Variants in SOBP observed in about 807,000 individuals in gnomAD.
The protein encoded by SOBP is sine oculis-binding protein homolog.
In SOBP, 4 loss-of-function variants were observed where a neutral mutation model predicts 53.6. The observed-to-expected ratio is 0.07, with a 90% CI of 0.04 to 0.17. The LOEUF (loss-of-function observed/expected upper bound fraction) is 0.17. SOBP is among the 10% of genes least tolerant of loss of function. SOBP has a pLI of 1.00. For synonymous variants in SOBP, 584 were observed against 522.6 expected (o/e 1.12, Z -1.60); for missense variants, 1,088 against 1,204.7 (o/e 0.90, Z 1.43).
intron 4 of SOBP, among the ~76,000 whole-genome samples, chr6:107,553,079 C>G (rs1169511874): frequency 6.6e-6 from 1 of 151,876 alleles, no homozygotes; most frequent in African/African-American, 2.4e-5. Flanking sequence ...ACCACCTGTT[C>G]CCCAAAAACC....
intron 3 of SOBP, chr6:107,514,265 A>G (rs1255506396): frequency 3.3e-5 from 5 of 152,226 alleles, no homozygotes; most frequent in Non-Finnish European, 7.3e-5. Flanking sequence ...TTTTAGTTGC[A>G]TATGGAAGGT....
Position 107,643,416 on chromosome 6 carries a change from A to T in SOBP, c.*3+7947A>T, listed in dbSNP as rs553026296. Among the ~76,000 whole-genome samples, 4 of 151,966 alleles carry T rather than the reference A, an allele frequency of 2.6e-5. No individual in the cohort carries two copies. In the South Asian group the frequency reaches 6.3e-4, roughly 24 times the overall value. On this transcript the variant is annotated intron_variant, in intron 6 of 6. Coordinates refer to ENST00000317357, the MANE Select transcript of SOBP (RefSeq NM_018013.4). ...AATATTTATAAGCTTTTATTTATTT[A>T]TTTATTTTTATTTTTTTCTGAGATG... is the stretch of plus-strand genomic sequence containing the variant.
chr6:107,633,717 G>C lies in SOBP; in HGVS notation c.873G>C (p.Gly291=), dbSNP rs772583981. 1.2e-6 allele frequency: 2 copies of C among 1,614,208 alleles called. No homozygotes were observed. Among genetic ancestry groups the C allele is most frequent in the Non-Finnish European group, 1.7e-6 (2 of 1,180,030 alleles). The change falls in exon 6 of 7, where the codon GGG becomes GGC. Residue 291 remains glycine (G), a synonymous_variant. Transcript: ENST00000317357. ...PPMENKAEGT[G]VQLLTPDSWN... is the part of the protein sequence containing the mutation. ...TGGAAAATAAAGCAGAAGGCACCGG[G>C]GTGCAGCTGCTCACTCCAGACTCTT...
intron 5 of SOBP, among the ~76,000 whole-genome samples, chr6:107,604,911 C>T (rs921601432): frequency 6.6e-6 from 1 of 152,196 alleles, no homozygotes; most frequent in Admixed American, 6.5e-5. Context: ...TATGTCACAG[C>T]ACTGTGAAAA....
chr6:107,611,173 C>T (rs1256438430), intron 5 of SOBP, among the ~76,000 whole-genome samples: 2 of 152,230 alleles, frequency 1.3e-5, no homozygotes, highest in South Asian at 2.1e-4. Context: ...GCTTCAGAGG[C>T]GGAGGCCTGT....
Position 107,634,784 on chromosome 6 carries a change from A to C in SOBP, c.1940A>C (p.Gln647Pro). The change falls in exon 6 of 7, where the codon CAG (glutamine) becomes CCG (proline). Residue 647 changes from glutamine (Q) to proline (P), a missense_variant. Gln to Pro is a moderately conservative substitution (Grantham distance 76). Around this residue, in one of 6 missense-constraint regions of SOBP, gnomAD observed 665 missense variants for 629.7 expected, o/e 1.06. Coordinates refer to ENST00000317357, the MANE Select transcript of SOBP (RefSeq NM_018013.4). The surrounding 1 kb of genome is among the most constrained non-coding windows in gnomAD (Gnocchi z 4.5). ...GGQLGFPGVL[Q>P]GPQDGVIDLT... ...CAGCTCGGCTTCCCAGGCGTGCTGC[A>C]GGGCCCGCAGGACGGCGTCATCGAC... 1 of 1,392,404 alleles carries C rather than the reference A, an allele frequency of 7.2e-7. No homozygotes were observed. The highest frequency in any genetic ancestry group is 9.3e-7 in the Non-Finnish European group (1 of 1,071,134). 86.3% of individuals were successfully genotyped at this position (1,392,404 alleles called of 1,614,324 possible).
At chr6:107,497,462 A>G (rs1235768450) in intron 1 of SOBP, among the ~76,000 whole-genome samples, 1 of 152,184 alleles carries the variant, frequency 6.6e-6, no homozygotes, top group African/African-American at 2.4e-5. Flanking sequence ...TTTTTATGAA[A>G]ATAATACATG....
At chr6:107,650,565 G>T (rs1283860606) in intron 6 of SOBP, among the ~76,000 whole-genome samples, 1 of 152,184 alleles carries the variant, frequency 6.6e-6, no homozygotes, top group African/African-American at 2.4e-5. Context: ...TTTGTGATCA[G>T]TGATCTTGGA....
At chr6:107,649,690 A>T (rs1263677440) in intron 6 of SOBP, among the ~76,000 whole-genome samples, 1 of 151,812 alleles carries the variant, frequency 6.6e-6, no homozygotes, top group Non-Finnish European at 1.5e-5. Context: ...AAGAAGAAGA[A>T]AGAAAAAAGA....
At chr6:107,655,413 C>G (rs1771991027) in intron 6 of SOBP, among the ~76,000 whole-genome samples, 1 of 152,154 alleles carries the variant, frequency 6.6e-6, no homozygotes, top group African/African-American at 2.4e-5. Flanking sequence ...GCCCCCTCCT[C>G]AAATGTTATC....
Position 107,593,684 on chromosome 6 carries a change from G to T in SOBP, c.669+6509G>T, listed in dbSNP as rs368777153. Among the ~76,000 whole-genome samples, 9 of 152,320 alleles carry T rather than the reference G, an allele frequency of 5.9e-5. No homozygotes were observed. In the South Asian group the frequency reaches 1.9e-3, roughly 32 times the overall value. On this transcript the variant is annotated intron_variant, in intron 5 of 6. Transcript: ENST00000317357. ...CAGCAGTCAATGAGATCATGTATAT[G>T]AAGCATTTAGTATACCTAGCACCTA... is the stretch of plus-strand genomic sequence containing the variant.
At chr6:107,594,129 G>C (rs1302719658) in intron 5 of SOBP, among the ~76,000 whole-genome samples, 1 of 152,190 alleles carries the variant, frequency 6.6e-6, no homozygotes, top group Non-Finnish European at 1.5e-5. Context: ...CCCACTGGCT[G>C]TATAGCCTTG....
intron 4 of SOBP, among the ~76,000 whole-genome samples, chr6:107,553,144 G>A (rs1364399508): frequency 2.0e-5 from 3 of 151,796 alleles, no homozygotes; most frequent in Non-Finnish European, 4.4e-5. Context: ...TCTGAGCTGG[G>A]AGTTTAACTG....
intron 4 of SOBP, among the ~76,000 whole-genome samples, chr6:107,550,805 C>T (rs1251830161): frequency 6.6e-6 from 1 of 152,232 alleles, no homozygotes; most frequent in African/African-American, 2.4e-5. Flanking sequence ...ATGCATAACC[C>T]TTACTGTCAT....
rs140446458 is a variant in SOBP, at chr6:107,589,555, A to G, written c.669+2380A>G. ...GCATTGGCTGATAGAAAAATCTGCT[A>G]TGCAACTGTAGATTTCCTGTAGGGT... On this transcript the variant is annotated intron_variant, in intron 5 of 6. Transcript: ENST00000317357. Among the ~76,000 whole-genome samples the G allele has an allele frequency of 7.2e-5, 11 of 152,358 alleles. No homozygotes were observed. The East Asian group carries it at 1.3e-3, about 19-fold the overall frequency.
chr6:107,647,677 G>A (rs772303812), intron 6 of SOBP, among the ~76,000 whole-genome samples: 2 of 151,918 alleles, frequency 1.3e-5, no homozygotes, highest in Non-Finnish European at 2.9e-5. Flanking sequence ...GAGAGCGAGT[G>A]CCCAAGGTCA....
chr6:107,605,362 C>T lies in SOBP; in HGVS notation c.669+18187C>T, dbSNP rs140441550. Reference sequence around the variant, plus strand: ...AAGAGGTGCTGGGGTTCAGGGGCCTCGGCTTCTTAACTGCCCTTATCCTAA... The same window carrying T: ...AAGAGGTGCTGGGGTTCAGGGGCCTTGGCTTCTTAACTGCCCTTATCCTAA... On this transcript the variant is annotated intron_variant, in intron 5 of 6. Coordinates refer to ENST00000317357, the MANE Select transcript of SOBP (RefSeq NM_018013.4). Among the ~76,000 whole-genome samples, 19 of 152,346 alleles carry T rather than the reference C, an allele frequency of 1.2e-4. No homozygotes were observed. In the East Asian group the frequency reaches 3.5e-3, roughly 28 times the overall value.
chr6:107,502,379 C>T (rs547620188), intron 1 of SOBP, among the ~76,000 whole-genome samples: 4 of 152,136 alleles, frequency 2.6e-5, no homozygotes, highest in Admixed American at 6.6e-5. Flanking sequence ...TGGTTCCCTG[C>T]GAGACAGGAA....
intron 5 of SOBP, among the ~76,000 whole-genome samples, chr6:107,626,830 C>A (rs1406526697): frequency 2.0e-5 from 3 of 151,638 alleles, no homozygotes; most frequent in African/African-American, 7.2e-5. Flanking sequence ...CAGGCAGGGT[C>A]GTCACTGTGG....
Sources: allele counts gnomAD v4.1 joint callset (sites outside exome capture counted in the v4.1 genomes callset), GRCh38; gene constraint gnomAD v4.1.1; regional missense constraint gnomAD v4.1.1; non-coding constraint Gnocchi (gnomAD v3.1); transcripts MANE v1.5; gene names NCBI Gene and HGNC (gene_info 2026-07-23, HGNC 2026-07-21).